The following LFNG variants were observed in gnomAD, a reference collection of about 807,000 sequenced individuals.
The protein encoded by LFNG is beta-1,3-N-acetylglucosaminyltransferase lunatic fringe.
Under a neutral mutation model 32.7 loss-of-function variants are expected in LFNG, and 15 were observed. That is an observed-to-expected ratio of 0.46 (90% CI 0.31 to 0.71). LFNG has a LOEUF of 0.71. Ranked by LOEUF, LFNG falls within the 30% of genes least tolerant of loss-of-function variation. LFNG has a pLI of 0.06. For missense variants in LFNG, 520 were observed against 545.7 expected (o/e 0.95, Z 0.47); for synonymous variants, 274 against 246.8 (o/e 1.11, Z -1.03).
chr7:2,516,878 C>A (rs56218647), upstream of LFNG, among the ~76,000 whole-genome samples: 12,359 of 152,256 alleles, frequency 0.081, 594 homozygotes, highest in Admixed American at 0.12. Flanking sequence ...GTAACACCAC[C>A]GGTTCAAGGT....
rs760026003 is a variant in LFNG at position 2,525,333 on chromosome 7, G to A, written c.581+15G>A. 3.1e-6 allele frequency: 5 copies of A among 1,612,288 alleles called. No individual in the cohort carries two copies. The highest frequency in any genetic ancestry group is 2.2e-5 in the East Asian group (1 of 44,838). On this transcript the variant is annotated intron_variant, in intron 3 of 7. Transcript: ENST00000222725. Reference sequence around the variant, plus strand: ...TCCGGCAGGAAGTGAGTGTGGCCCCGGGGGACCCCCATCTCCCTGCCCGAG... The same window carrying A: ...TCCGGCAGGAAGTGAGTGTGGCCCCAGGGGACCCCCATCTCCCTGCCCGAG...
intron 1 of LFNG, among the ~76,000 whole-genome samples, chr7:2,524,232 C>T (rs1445156384): frequency 6.6e-6 from 1 of 152,194 alleles, no homozygotes; most frequent in East Asian, 1.9e-4. Flanking sequence ...CTTCCCACAG[C>T]CGACCTCCTC....
At chr7:2,517,584 G>A (rs879473821), upstream of LFNG, 5 of 420,248 alleles carry the variant, frequency 1.2e-5, no homozygotes, top group African/African-American at 6.2e-5. Flanking sequence ...GGGGTGGGGC[G>A]GCTCAGGGCA....
upstream of LFNG, among the ~76,000 whole-genome samples, chr7:2,518,982 T>C (rs1431900884): frequency 2.6e-5 from 4 of 151,898 alleles, no homozygotes; most frequent in African/African-American, 9.7e-5. Flanking sequence ...GGCGCACAGC[T>C]GGGCCGCATC....
In LFNG at chr7:2,519,808, TCG is replaced by T; in HGVS notation, c.-53_-52del. 1 of 1,006,080 alleles carries T rather than the reference TCG, an allele frequency of 9.9e-7. No individual in the cohort carries two copies. The highest frequency in any genetic ancestry group is 1.2e-6 in the Non-Finnish European group (1 of 837,230). 62.3% of individuals were successfully genotyped at this position (1,006,080 alleles called of 1,614,324 possible). ...CGCCGCCGGAGCGACGGGCTTCGGGTCGGTGCAAGGCAGGCGCACGGGGAAGG... is the reference window on the plus strand; with the variant it reads ...CGCCGCCGGAGCGACGGGCTTCGGGTGTGCAAGGCAGGCGCACGGGGAAGG... On this transcript the variant is annotated 5_prime_UTR_variant, in exon 1 of 8. Transcript: ENST00000222725.
chr7:2,527,692 A>G lies in LFNG; in HGVS notation c.*480A>G. 5 of 1,079,592 alleles carry G rather than the reference A, an allele frequency of 4.6e-6. No individual in the cohort carries two copies. The highest frequency in any genetic ancestry group is 5.7e-6 in the Non-Finnish European group (5 of 884,182). The allele number at this position is 1,079,592 out of a possible 1,614,324, so 66.9% of individuals were successfully genotyped here. A position where few individuals can be genotyped will look rare whatever the true frequency, so the allele number is the denominator to read the frequency against. On this transcript the variant is annotated 3_prime_UTR_variant, in exon 8 of 8. Coordinates refer to ENST00000222725, the MANE Select transcript of LFNG (RefSeq NM_001040167.2). The surrounding 1 kb of genome is among the most constrained non-coding windows in gnomAD (Gnocchi z 4.4). ...CGACTCACTGAGCCATGCTCATTGC[A>G]GGGGAGGCTGGGTCTGGGGGTGCGT...
intron 1 of LFNG, among the ~76,000 whole-genome samples, chr7:2,524,410 C>G (rs1021620193): frequency 1.2e-4 from 19 of 152,232 alleles, no homozygotes; most frequent in Admixed American, 5.9e-4. Context: ...TCGTGCCTCA[C>G]CGCGCCTGGA....
At chr7:2,522,580 C>T (rs537318747) in intron 1 of LFNG, among the ~76,000 whole-genome samples, 2 of 152,088 alleles carry the variant, frequency 1.3e-5, no homozygotes. Context: ...CCGGCCCCCG[C>T]CCCCGTCCAC....
At chr7:2,516,524 C>A (rs1779632408), upstream of LFNG, among the ~76,000 whole-genome samples, 1 of 152,212 alleles carries the variant, frequency 6.6e-6, no homozygotes, top group Non-Finnish European at 1.5e-5. Flanking sequence ...AGCAGGAGAA[C>A]CCCCGGGCTG....
chr7:2,522,882 A>C (rs954674951), intron 1 of LFNG, among the ~76,000 whole-genome samples: 2 of 152,218 alleles, frequency 1.3e-5, no homozygotes, highest in Admixed American at 6.5e-5. Context: ...ATTTTACTGA[A>C]GACGAGACTG....
chr7:2,522,457 A>T lies in LFNG; in HGVS notation c.432+2164A>T, dbSNP rs894314390. Among the ~76,000 whole-genome samples, 13 of 152,342 alleles carry T rather than the reference A, an allele frequency of 8.5e-5. No homozygotes were observed. In the South Asian group the frequency reaches 1.0e-3, roughly 12 times the overall value. On this transcript the variant is annotated intron_variant, in intron 1 of 7. Transcript: ENST00000222725. The stretch of plus-strand genomic sequence containing the variant: ...GAGGTTCCCCGCCCCTCCCAGGAGC[A>T]GCCAGGCTGCCGCGCTGCCACCACA...
chr7:2,526,962 C>A lies in LFNG; in HGVS notation c.1073+41C>A. On this transcript the variant is annotated intron_variant, in intron 7 of 7. Coordinates refer to ENST00000222725, the MANE Select transcript of LFNG (RefSeq NM_001040167.2). The surrounding 1 kb of genome is among the most constrained non-coding windows in gnomAD (Gnocchi z 6.9). ...CCCAGATGGGCTTGCGTAGGGTGGCCTAGGGGCGTCAGGGGGCCTCGTGGA... is the reference window on the plus strand; with the variant it reads ...CCCAGATGGGCTTGCGTAGGGTGGCATAGGGGCGTCAGGGGGCCTCGTGGA... The A allele has an allele frequency of 6.3e-7, 1 of 1,584,914 alleles. No individual in the cohort carries two copies. Among genetic ancestry groups the A allele is most frequent in the Non-Finnish European group, 8.6e-7 (1 of 1,156,772 alleles).
At chr7:2,525,187 A>T (rs2128377159) in intron 2 of LFNG, 32 bp from the exon 3 acceptor site, 1 of 1,590,298 alleles carries the variant, frequency 6.3e-7, no homozygotes, top group African/African-American at 1.3e-5. Context: ...GAGCCGGCTC[A>T]GACCTACTCA....
chr7:2,517,539 C>A, upstream of LFNG: 1 of 400,700 alleles, frequency 2.5e-6, no homozygotes, highest in South Asian at 1.7e-5. Flanking sequence ...GTCAAAGGCA[C>A]CGCAGTCAGG....
Position 2,527,381 on chromosome 7 carries a change from G to A in LFNG, c.*169G>A. 6.7e-7 allele frequency: 1 copy of A among 1,498,660 alleles called. No individual in the cohort carries two copies. Among genetic ancestry groups the A allele is most frequent in the Non-Finnish European group, 8.9e-7 (1 of 1,126,210 alleles). 92.8% of individuals were successfully genotyped at this position (1,498,660 alleles called of 1,614,324 possible). Reference sequence around the variant, plus strand: ...TGCATGCCCACCCGGGTAGCAGGCTGCTGGGCAGTTCTGCTCTGTGGAGGG... The same window carrying A: ...TGCATGCCCACCCGGGTAGCAGGCTACTGGGCAGTTCTGCTCTGTGGAGGG... On this transcript the variant is annotated 3_prime_UTR_variant, in exon 8 of 8. Coordinates refer to ENST00000222725, the MANE Select transcript of LFNG (RefSeq NM_001040167.2). The surrounding 1 kb of genome is among the most constrained non-coding windows in gnomAD (Gnocchi z 4.4).
At chr7:2,516,047 G>A (rs73287525), upstream of LFNG, among the ~76,000 whole-genome samples, 1 of 152,330 alleles carries the variant, frequency 6.6e-6, no homozygotes, top group African/African-American at 2.4e-5. Context: ...GAAATCCATG[G>A]GCCCCCTGGC....
At chr7:2,525,356 G>GAGCCTGGC (rs775190545) in intron 3 of LFNG, 38 bp downstream of exon 3, 1 of 1,611,908 alleles carries the variant, frequency 6.2e-7, no homozygotes, top group Non-Finnish European at 8.5e-7. Context: ...CTCCCTGCCC[G>GAGCCTGGC]AGCCTGGCAG....
chr7:2,521,484 C>T (rs1368414112), intron 1 of LFNG, among the ~76,000 whole-genome samples: 2 of 152,344 alleles, frequency 1.3e-5, no homozygotes, highest in Non-Finnish European at 2.9e-5. Context: ...TGCAGCTACG[C>T]GCTCCGTGGG....
At position 2,520,098 on chromosome 7, in the gene LFNG, C is replaced by T; in HGVS notation, c.237C>T (p.Ser79=). Residue 79 remains serine (S), a synonymous_variant, in exon 1 of 8, where the codon AGC becomes AGT. Transcript: ENST00000222725. This position sits in a 1 kb window ranked among gnomAD's most constrained non-coding sequence, Gnocchi z 5.0. ...TGCACAGTCTGTCCGAGTACTTCAG[C>T]CTGCTCACCCGCGCGCGCAGAGATG... ...RDVHSLSEYF[S]LLTRARRDAG... 1 of 1,339,202 alleles carries T rather than the reference C, an allele frequency of 7.5e-7. No homozygotes were observed. Among genetic ancestry groups the T allele is most frequent in the Non-Finnish European group, 9.7e-7 (1 of 1,035,364 alleles). The allele number at this position is 1,339,202 out of a possible 1,614,324, so 83.0% of individuals were successfully genotyped here.
Sources: allele counts gnomAD v4.1 joint callset (sites outside exome capture counted in the v4.1 genomes callset), GRCh38; gene constraint gnomAD v4.1.1; non-coding constraint Gnocchi (gnomAD v3.1); transcripts MANE v1.5; gene names NCBI Gene and HGNC (gene_info 2026-07-23, HGNC 2026-07-21).